The following MRPS5 variants were observed in gnomAD, a reference collection of about 807,000 sequenced individuals.
MRPS5 encodes mitochondrial ribosomal protein S5.
In MRPS5, 27 loss-of-function variants were observed where a neutral mutation model predicts 51.9. The observed-to-expected ratio is 0.52, with a 90% CI of 0.38 to 0.72. The LOEUF is 0.72. Ranked by LOEUF, MRPS5 falls within the 30% of genes least tolerant of loss-of-function variation. The probability of loss-of-function intolerance (pLI) is 0.00; values close to 1 mark genes in which losing one functional copy is unlikely to be tolerated. For missense variants in MRPS5, 570 were observed against 545.7 expected (o/e 1.04, Z -0.44); for synonymous variants, 196 against 193.2 (o/e 1.01, Z -0.12).
intron 4 of MRPS5, 133 bp from the exon 5 acceptor site, chr2:95,108,541 G>A: frequency 2.7e-6 from 2 of 745,220 alleles, no homozygotes; most frequent in Non-Finnish European, 4.3e-6. Flanking sequence ...TATTAACTTG[G>A]TAGGTCACTT....
At position 95,087,069 on chromosome 2, in the gene MRPS5, C is replaced by G. The variant is rs1675310986; in HGVS notation, c.*288G>C. The stretch of plus-strand genomic sequence containing the variant: ...GCAATTATCATTGTGTACATTATTA[C>G]TGATTGGGTCAAATTATTAACCCCG... On this transcript the variant is annotated 3_prime_UTR_variant, in exon 12 of 12. Coordinates refer to ENST00000272418, the MANE Select transcript of MRPS5 (RefSeq NM_031902.5). 1 of 309,470 alleles carries G rather than the reference C, an allele frequency of 3.2e-6. No homozygotes were observed. Among genetic ancestry groups the G allele is most frequent in the African/African-American group, 2.1e-5 (1 of 46,700 alleles). The allele number at this position is 309,470 out of a possible 1,614,324, so 19.2% of individuals were successfully genotyped here. A position where few individuals can be genotyped will look rare whatever the true frequency, so the allele number is the denominator to read the frequency against.
chr2:95,114,948 C>T (rs1185451174), intron 3 of MRPS5, 118 bp downstream of exon 3: 1 of 878,554 alleles, frequency 1.1e-6, no homozygotes, highest in East Asian at 3.0e-5. Context: ...TTCATTTTAA[C>T]AGTACATTGT....
At chr2:95,107,425 C>G (rs1675982450) in intron 5 of MRPS5, among the ~76,000 whole-genome samples, 2 of 152,076 alleles carry the variant, frequency 1.3e-5, no homozygotes, top group South Asian at 4.1e-4. Context: ...CTTCTGTGAG[C>G]AAGTGAAGCC....
At chr2:95,121,920 G>T (rs1206083969), upstream of MRPS5, 3 of 1,098,764 alleles carry the variant, frequency 2.7e-6, no homozygotes, top group Admixed American at 3.0e-5. Context: ...CCACGCAGCA[G>T]CGCAGGCCGG....
At chr2:95,107,502 T>C (rs565358937) in intron 5 of MRPS5, among the ~76,000 whole-genome samples, 2 of 152,326 alleles carry the variant, frequency 1.3e-5, no homozygotes, top group East Asian at 3.9e-4. Flanking sequence ...CTCCCTTCCA[T>C]ACCTTCATCC....
chr2:95,101,939 A>G (rs1334261147), intron 7 of MRPS5: 2 of 501,698 alleles, frequency 4.0e-6, no homozygotes, highest in South Asian at 5.2e-5. Flanking sequence ...GGATCGCTTG[A>G]GCCCAGGAGT....
intron 11 of MRPS5, 87 bp from the exon 12 acceptor site, chr2:95,087,668 A>G (rs1573320751): frequency 8.9e-7 from 1 of 1,120,052 alleles, no homozygotes; most frequent in East Asian, 2.4e-5. Context: ...ACAACAGTAC[A>G]GCCTGGGGGT....
chr2:95,102,539 G>A (rs1053167214), intron 7 of MRPS5, among the ~76,000 whole-genome samples: 4 of 152,146 alleles, frequency 2.6e-5, no homozygotes, highest in African/African-American at 9.7e-5. Flanking sequence ...GTAGGTGCCT[G>A]TAATCCTTGC....
intron 7 of MRPS5, among the ~76,000 whole-genome samples, chr2:95,103,272 C>T (rs1218072336): frequency 6.6e-6 from 1 of 152,106 alleles, no homozygotes. Context: ...AAAATAATAA[C>T]CACCCAACAG....
intron 1 of MRPS5, among the ~76,000 whole-genome samples, chr2:95,121,369 T>G (rs183126179): frequency 6.6e-6 from 1 of 152,258 alleles, no homozygotes; most frequent in East Asian, 1.9e-4. Context: ...GAGATAAACG[T>G]TATGCTGGAC....
chr2:95,090,376 A>C lies in MRPS5; in HGVS notation c.1068+10T>G. The C allele has an allele frequency of 6.2e-7, 1 of 1,612,606 alleles. No individual in the cohort carries two copies. Among genetic ancestry groups the C allele is most frequent in the South Asian group, 1.1e-5 (1 of 90,986 alleles). Reference sequence around the variant, plus strand: ...TAGAACCTCTGTTTCAGACCCCGGGAAAGGATTACCTGTCTGGAGAGCCCA... The same window carrying C: ...TAGAACCTCTGTTTCAGACCCCGGGCAAGGATTACCTGTCTGGAGAGCCCA... On this transcript the variant is annotated intron_variant, in intron 11 of 11. Coordinates refer to ENST00000272418, the MANE Select transcript of MRPS5 (RefSeq NM_031902.5).
intron 6 of MRPS5, 81 bp downstream of exon 6, chr2:95,106,342 C>T (rs371987231): frequency 4.4e-6 from 5 of 1,134,970 alleles, no homozygotes; most frequent in African/African-American, 1.5e-5. Context: ...CCTTCCCTTA[C>T]AGTTCCTCTT....
chr2:95,087,659 C>T (rs1371556795), intron 11 of MRPS5, 78 bp from the exon 12 acceptor site: 11 of 1,236,250 alleles, frequency 8.9e-6, no homozygotes, highest in Non-Finnish European at 1.1e-5. Flanking sequence ...CCACAGGCCA[C>T]AACAGTACAG....
Position 95,085,411 on chromosome 2 carries a change from A to C in MRPS5, c.*1946T>G, listed in dbSNP as rs1184321366. ...AAAGGATCATTGTCTTTTATTGCTT[A>C]AAGTTCATTGTCTTTATATTTGTTA... On this transcript the variant is annotated 3_prime_UTR_variant, in exon 12 of 12. Coordinates refer to ENST00000272418, the MANE Select transcript of MRPS5 (RefSeq NM_031902.5). Among the ~76,000 whole-genome samples the C allele has an allele frequency of 6.6e-6, 1 of 152,230 alleles. No individual in the cohort carries two copies. Among genetic ancestry groups the C allele is most frequent in the Non-Finnish European group, 1.5e-5 (1 of 68,032 alleles).
In MRPS5 at chr2:95,106,472, G is replaced by C. The variant is rs1407339487; in HGVS notation, c.638-15C>G. ...CTCATATGTTTCTGTAGGGAGAAAA[G>C]AAACAGGGATACAGATGAAATGTGT... On this transcript the variant is annotated splice_polypyrimidine_tract_variant and intron_variant, in intron 5 of 11. Transcript: ENST00000272418. The C allele has an allele frequency of 1.9e-6, 3 of 1,597,658 alleles. No homozygotes were observed. The South Asian group carries it at 3.3e-5, about 18-fold the overall frequency.
intron 7 of MRPS5, chr2:95,103,941 C>T (rs1675874320): frequency 6.6e-6 from 1 of 152,118 alleles, no homozygotes; most frequent in Admixed American, 6.5e-5. Flanking sequence ...CCTTTGGCCA[C>T]ATACTATATA....
chr2:95,101,644 C>A, intron 8 of MRPS5, 33 bp downstream of exon 8: 1 of 1,546,304 alleles, frequency 6.5e-7, no homozygotes, highest in Non-Finnish European at 8.8e-7. Flanking sequence ...TAATCTTTTA[C>A]TGAGTGTCAA....
chr2:95,102,295 C>T (rs1469632976), intron 7 of MRPS5, among the ~76,000 whole-genome samples: 2 of 152,054 alleles, frequency 1.3e-5, no homozygotes, highest in Non-Finnish European at 2.9e-5. Context: ...ATAAAATACA[C>T]TCAATTTAAA....
intron 10 of MRPS5, chr2:95,091,953 G>C (rs1362241568): frequency 6.6e-6 from 1 of 152,370 alleles, no homozygotes; most frequent in East Asian, 1.9e-4. Flanking sequence ...GTATCATGCA[G>C]ATTCTGGAAG....
Sources: gnomAD v4.1 joint callset for allele counts (sites outside exome capture counted in the v4.1 genomes callset) on GRCh38, gnomAD v4.1.1 for gene constraint, MANE v1.5 for transcripts, NCBI Gene and HGNC (gene_info 2026-07-23, HGNC 2026-07-21) for gene names.